The following FBLN5 variants were observed in gnomAD, a reference collection of about 807,000 sequenced individuals.
The protein encoded by FBLN5 is fibulin 5.
FBLN5 carries 24 observed loss-of-function variants against 61.6 expected under a neutral mutation model. The ratio of observed to expected loss-of-function variants is 0.39; its 90% CI spans 0.28 to 0.55. The LOEUF is 0.55. Among genes scored for constraint, FBLN5 ranks in the 20% least tolerant of loss-of-function variants. The pLI is 0.65. For missense variants in FBLN5, 470 were observed against 594.1 expected, an observed-to-expected ratio of 0.79 and a Z score of 2.17; for synonymous variants, 213 against 219.8, an observed-to-expected ratio of 0.97 and a Z score of 0.27.
chr14:91,938,120 A>C (rs373845454), intron 3 of FBLN5, among the ~76,000 whole-genome samples: 6 of 152,362 alleles, frequency 3.9e-5, no homozygotes, highest in East Asian at 1.9e-4. Context: ...TTCTACTTCA[A>C]GTAACAGTGG....
intron 1 of FBLN5, among the ~76,000 whole-genome samples, chr14:91,945,228 CAA>C (rs545285563): frequency 3.2e-4 from 21 of 64,850 alleles, no homozygotes; most frequent in Admixed American, 7.1e-4. Flanking sequence ...GACTCCGTCT[CAA>C]AAAAAAAAAA....
chr14:91,880,564 T>C (rs1050267672), intron 9 of FBLN5, among the ~76,000 whole-genome samples: 2 of 148,758 alleles, frequency 1.3e-5, no homozygotes, highest in Non-Finnish European at 3.0e-5. Flanking sequence ...TGTGTGTGTT[T>C]TGAGACAGAG....
chr14:91,946,570 G>A lies in FBLN5; in HGVS notation c.17+643C>T, dbSNP rs569150854. 15 of 695,146 alleles carry A rather than the reference G, an allele frequency of 2.2e-5. No homozygotes were observed. In the Admixed American group the frequency reaches 2.2e-4, roughly 10 times the overall value. 43.1% of individuals were successfully genotyped at this position (695,146 alleles called of 1,614,324 possible). On this transcript the variant is annotated intron_variant, in intron 1 of 10. Transcript: ENST00000342058. Reference sequence around the variant, plus strand: ...ACAGACACATACATACGCACACAAGGTTAATTTGTTCAAAGCAGTATGTTT... The same window carrying A: ...ACAGACACATACATACGCACACAAGATTAATTTGTTCAAAGCAGTATGTTT...
chr14:91,876,854 G>A (rs1889186513), intron 10 of FBLN5, among the ~76,000 whole-genome samples: 1 of 152,072 alleles, frequency 6.6e-6, no homozygotes. Context: ...CAGAGATGGG[G>A]TCTCGCTCTG....
intron 4 of FBLN5, among the ~76,000 whole-genome samples, chr14:91,908,326 T>G (rs2140002989): frequency 6.6e-6 from 1 of 152,306 alleles, no homozygotes; most frequent in Non-Finnish European, 1.5e-5. Context: ...CAACAATCCT[T>G]TCTCATTCCC....
At chr14:91,878,608 A>G (rs140939561) in intron 9 of FBLN5, among the ~76,000 whole-genome samples, 1 of 152,314 alleles carries the variant, frequency 6.6e-6, no homozygotes, top group African/African-American at 2.4e-5. Context: ...CTTCCAAAAG[A>G]GAGTCCACAT....
In FBLN5 at chr14:91,947,203, G is replaced by A. The variant is rs1335607008; in HGVS notation, c.17+10C>T. ...CCTGGAGAAAGAAAAGTCCAGCGCC[G>A]AGAACCCACCTTTTTATTCCTGGCA... On this transcript the variant is annotated intron_variant, in intron 1 of 10. Transcript: ENST00000342058. The surrounding 1 kb of genome is among the most constrained non-coding windows in gnomAD (Gnocchi z 4.3). 1 of 1,614,050 alleles carries A rather than the reference G, an allele frequency of 6.2e-7. No homozygotes were observed. The highest frequency in any genetic ancestry group is 1.7e-5 in the Admixed American group (1 of 60,002).
intron 4 of FBLN5, among the ~76,000 whole-genome samples, chr14:91,922,494 T>C (rs1203103068): frequency 2.0e-5 from 3 of 152,200 alleles, no homozygotes; most frequent in South Asian, 2.1e-4. Flanking sequence ...AAAGGACTCA[T>C]GGCAGTAACC....
chr14:91,904,115 G>A (rs995672855), intron 4 of FBLN5, among the ~76,000 whole-genome samples: 10 of 152,184 alleles, frequency 6.6e-5, no homozygotes, highest in East Asian at 1.9e-4. Context: ...ACTTAGCCAC[G>A]TGCATCGGAA....
chr14:91,918,469 A>G, intron 4 of FBLN5, among the ~76,000 whole-genome samples: 1 of 152,192 alleles, frequency 6.6e-6, no homozygotes, highest in African/African-American at 2.4e-5. Flanking sequence ...TTAAGATATG[A>G]TTGAAGAGTC....
chr14:91,899,603 C>T (rs890175288), intron 4 of FBLN5, among the ~76,000 whole-genome samples: 4 of 152,224 alleles, frequency 2.6e-5, no homozygotes, highest in African/African-American at 9.6e-5. Context: ...CATCAAAACC[C>T]ATCAATATCA....
chr14:91,888,914 A>ATCCTC (rs1347394206), intron 6 of FBLN5, among the ~76,000 whole-genome samples: 1 of 152,198 alleles, frequency 6.6e-6, no homozygotes, highest in Non-Finnish European at 1.5e-5. Context: ...GAGATTTTCT[A>ATCCTC]TCCTCTTCCC....
rs182915771 is a variant in FBLN5, at chr14:91,882,140, G to A, written c.863-722C>T. Among the ~76,000 whole-genome samples, 108 of 152,176 alleles carry A rather than the reference G, an allele frequency of 7.1e-4. No homozygotes were observed. The highest frequency in any genetic ancestry group is 2.5e-3 in the African/African-American group (104 of 41,506). ...CCACTGAACTCCAGCCTGGGCAACA[G>A]AGTGAGACTCTGTCACAAAAAGAAA... On this transcript the variant is annotated intron_variant, in intron 8 of 10. Transcript: ENST00000342058. The surrounding 1 kb of genome is among the most constrained non-coding windows in gnomAD (Gnocchi z 4.9).
chr14:91,928,533 A>C (rs1252479513), intron 4 of FBLN5, among the ~76,000 whole-genome samples: 6 of 152,314 alleles, frequency 3.9e-5, no homozygotes, highest in Admixed American at 1.3e-4. Flanking sequence ...GCACTTTGGG[A>C]GGCCAAGGAA....
At chr14:91,926,528 C>CTG (rs1017170545) in intron 4 of FBLN5, among the ~76,000 whole-genome samples, 2 of 152,208 alleles carry the variant, frequency 1.3e-5, no homozygotes, top group African/African-American at 4.8e-5. Context: ...AAAGCTGCCT[C>CTG]TGTGGCCTGT....
intron 4 of FBLN5, among the ~76,000 whole-genome samples, chr14:91,902,153 T>C (rs1055081276): frequency 1.3e-5 from 2 of 152,216 alleles, no homozygotes; most frequent in Non-Finnish European, 2.9e-5. Flanking sequence ...TGCCAGTGTA[T>C]GGTCCCTGCC....
intron 5 of FBLN5, among the ~76,000 whole-genome samples, chr14:91,893,314 T>C (rs1265731260): frequency 6.6e-6 from 1 of 152,214 alleles, no homozygotes; most frequent in Non-Finnish European, 1.5e-5. Context: ...TTCAAATAAG[T>C]AGCATCAAAT....
intron 4 of FBLN5, among the ~76,000 whole-genome samples, chr14:91,924,299 T>C (rs2055789460): frequency 6.6e-6 from 1 of 152,210 alleles, no homozygotes; most frequent in African/African-American, 2.4e-5. Flanking sequence ...ACCTAATATA[T>C]AATCCATTTC....
chr14:91,935,925 C>A (rs1350071022), intron 4 of FBLN5, among the ~76,000 whole-genome samples: 1 of 152,188 alleles, frequency 6.6e-6, no homozygotes, highest in African/African-American at 2.4e-5. Context: ...TTGAGACCAG[C>A]GAAAATGCAG....
Sources: allele counts gnomAD v4.1 joint callset (sites outside exome capture counted in the v4.1 genomes callset), GRCh38; gene constraint gnomAD v4.1.1; non-coding constraint Gnocchi (gnomAD v3.1); transcripts MANE v1.5; gene names NCBI Gene and HGNC (gene_info 2026-07-23, HGNC 2026-07-21).